CATSPERD: variants seen among roughly 807,000 people sequenced by gnomAD.
CATSPERD encodes catsper channel auxiliary subunit delta, also known as cation channel sperm-associated auxiliary subunit delta.
In CATSPERD, 86 loss-of-function variants were observed where a neutral mutation model predicts 98.1. The observed-to-expected ratio is 0.88, with a 90% CI of 0.74 to 1.05. The LOEUF (loss-of-function observed/expected upper bound fraction) is 1.05, where lower values mean the gene tolerates loss of function less well. CATSPERD is among the 50% of genes least tolerant of loss of function. The pLI is 0.00. For synonymous variants in CATSPERD, 394 were observed against 390.2 expected (o/e 1.01, Z -0.12); for missense variants, 995 against 1,005.7 (o/e 0.99, Z 0.14).
chr19:5,773,260 G>A (rs1374572890), intron 20 of CATSPERD, among the ~76,000 whole-genome samples: 1 of 152,138 alleles, frequency 6.6e-6, no homozygotes, highest in Admixed American at 6.6e-5. Flanking sequence ...AATCACTTGA[G>A]CCTGGGAGGC....
intron 20 of CATSPERD, 50 bp downstream of exon 20, chr19:5,773,015 G>A (rs780671146): frequency 1.3e-6 from 2 of 1,582,540 alleles, no homozygotes; most frequent in Non-Finnish European, 1.7e-6. Context: ...CCCACCAGGG[G>A]GTGGGAGAGT....
rs376502577 is a variant in CATSPERD, at chr19:5,754,188, C to T, written c.1221C>T (p.Ser407=). 1.3e-5 allele frequency: 21 copies of T among 1,613,786 alleles called. No individual in the cohort carries two copies. In the African/African-American group the frequency reaches 2.4e-4, roughly 18 times the overall value. ...IYRMYTIDMH[S]QLELTASLIP... ...GGATGTATACCATTGACATGCACAG[C>T]CAGCTGGAATTGACTGCTTCGTTGA... Residue 407 remains serine, a synonymous_variant, in exon 13 of 22, where the codon AGC becomes AGT. Coordinates refer to ENST00000381624, the MANE Select transcript of CATSPERD (RefSeq NM_152784.4).
intron 20 of CATSPERD, among the ~76,000 whole-genome samples, chr19:5,774,842 C>A (rs1285620320): frequency 2.0e-5 from 3 of 152,088 alleles, no homozygotes; most frequent in Non-Finnish European, 4.4e-5. Flanking sequence ...CATGGTGAAA[C>A]CCCGTCTCTA....
chr19:5,760,073 CAAAAAAA>C (rs60075484), intron 15 of CATSPERD, among the ~76,000 whole-genome samples: 6 of 48,534 alleles, frequency 1.2e-4, no homozygotes, highest in African/African-American at 4.7e-4. Context: ...GACTCCATCT[CAAAAAAA>C]AAAAAAAAAA....
intron 11 of CATSPERD, among the ~76,000 whole-genome samples, chr19:5,749,588 A>C (rs2056164704): frequency 6.6e-6 from 1 of 152,168 alleles, no homozygotes; most frequent in South Asian, 2.1e-4. Flanking sequence ...TAAAAGGGGA[A>C]GAGTATTTAA....
intron 9 of CATSPERD, 88 bp downstream of exon 9, chr19:5,746,151 G>C: frequency 7.1e-7 from 1 of 1,400,172 alleles, no homozygotes; most frequent in Non-Finnish European, 9.9e-7. Context: ...AGGGGAAGGA[G>C]CAACCCCTCG....
Position 5,749,843 on chromosome 19 carries a change from G to A in CATSPERD, c.987+660G>A, listed in dbSNP as rs573224266. Among the ~76,000 whole-genome samples the A allele has an allele frequency of 2.8e-5, 4 of 141,982 alleles. No homozygotes were observed. The East Asian group carries it at 6.4e-4, about 23-fold the overall frequency. 93.1% of individuals were successfully genotyped at this position (141,982 alleles called of 152,430 possible). A position where few individuals can be genotyped will look rare whatever the true frequency, so the allele number is the denominator to read the frequency against. Reference sequence around the variant, plus strand: ...TTTTGAGATGGAGTCTCACTCTGTCGCCTAGCTTGGAATGCCACAGCACAA... The same window carrying A: ...TTTTGAGATGGAGTCTCACTCTGTCACCTAGCTTGGAATGCCACAGCACAA... On this transcript the variant is annotated intron_variant, in intron 11 of 21. Coordinates refer to ENST00000381624, the MANE Select transcript of CATSPERD (RefSeq NM_152784.4).
chr19:5,738,231 C>G (rs1014220710), intron 6 of CATSPERD, among the ~76,000 whole-genome samples: 2 of 151,780 alleles, frequency 1.3e-5, no homozygotes, highest in Non-Finnish European at 2.9e-5. Context: ...CATAGTGAAA[C>G]CCCGTCTCTA....
At chr19:5,731,560 G>GTTGTTT (rs752356720) in intron 4 of CATSPERD, among the ~76,000 whole-genome samples, 2 of 75,724 alleles carry the variant, frequency 2.6e-5, no homozygotes, top group African/African-American at 5.0e-5. Flanking sequence ...ACACTTAACA[G>GTTGTTT]TTTTTTTTTT....
At chr19:5,760,831 T>G (rs1309695745) in intron 15 of CATSPERD, among the ~76,000 whole-genome samples, 2 of 151,888 alleles carry the variant, frequency 1.3e-5, no homozygotes, top group African/African-American at 2.4e-5. Flanking sequence ...GAGGATTGCT[T>G]GAGCTCAGGA....
intron 17 of CATSPERD, among the ~76,000 whole-genome samples, 156 bp downstream of exon 17, chr19:5,766,311 C>T (rs947032274): frequency 4.4e-5 from 6 of 135,200 alleles, no homozygotes; most frequent in Middle Eastern, 4.0e-3. Context: ...AAAAATTAGG[C>T]GTGGTGGCAG....
chr19:5,740,640 G>T (rs1055511697), intron 7 of CATSPERD, among the ~76,000 whole-genome samples: 1 of 150,916 alleles, frequency 6.6e-6, no homozygotes, highest in Non-Finnish European at 1.5e-5. Flanking sequence ...ATTGGCGGAC[G>T]CCTGTAATCC....
intron 19 of CATSPERD, 53 bp downstream of exon 19, chr19:5,771,125 T>G (rs1381793791): frequency 4.5e-6 from 7 of 1,572,120 alleles, no homozygotes; most frequent in African/African-American, 1.4e-5. Flanking sequence ...GGCCTCATGC[T>G]CCCTGGCCCT....
intron 6 of CATSPERD, among the ~76,000 whole-genome samples, 156 bp from the exon 7 acceptor site, chr19:5,739,170 C>A (rs901945646): frequency 6.6e-6 from 1 of 152,158 alleles, no homozygotes; most frequent in African/African-American, 2.4e-5. Flanking sequence ...TGGCGTGTAT[C>A]CACTTTTTGG....
In CATSPERD at chr19:5,759,208, A is replaced by G; in HGVS notation, c.1427+64A>G. 2.7e-6 allele frequency: 4 copies of G among 1,468,084 alleles called. No homozygotes were observed. In the South Asian group the frequency reaches 4.5e-5, roughly 17 times the overall value. 90.9% of individuals were successfully genotyped at this position (1,468,084 alleles called of 1,614,324 possible). ...TACAGGGGTTTCCTTAGCAGGAGCG[A>G]AGAGAAGCAGGTCTGAGATCAGACC... On this transcript the variant is annotated intron_variant, in intron 15 of 21. Coordinates refer to ENST00000381624, the MANE Select transcript of CATSPERD (RefSeq NM_152784.4).
In CATSPERD at chr19:5,776,383, G is replaced by A. The variant is rs193239223; in HGVS notation, c.2096+68G>A. ...CCCCTGGGGGCAGGTCACCCGTTTCGGGGGACATGCAGGTCCTGGCTAAAC... is the reference window on the plus strand; with the variant it reads ...CCCCTGGGGGCAGGTCACCCGTTTCAGGGGACATGCAGGTCCTGGCTAAAC... On this transcript the variant is annotated intron_variant, in intron 21 of 21. Transcript: ENST00000381624. The A allele has an allele frequency of 6.1e-4, 963 of 1,569,126 alleles. 12 individuals carry two copies. The highest frequency in any genetic ancestry group is 3.1e-3 in the East Asian group (137 of 44,302).
chr19:5,751,531 CAAAAAAAAAAAAAAAAAAAAAAAA>C (rs57266365), intron 11 of CATSPERD, 92 bp from the exon 12 acceptor site: 7 of 159,388 alleles, frequency 4.4e-5, no homozygotes, highest in Admixed American at 2.7e-4. Context: ...GAGACTCCAT[CAAAAAAAAAAAAAAAAAAAAAAAA>C]AAAAAAAAAA....
In CATSPERD at chr19:5,757,807, C is replaced by T. The variant is rs2056354616; in HGVS notation, c.1279-36C>T. On this transcript the variant is annotated intron_variant, in intron 13 of 21. Coordinates refer to ENST00000381624, the MANE Select transcript of CATSPERD (RefSeq NM_152784.4). ...TTTGTCACCCCGTCCTGCCTGCTGG[C>T]TCCGTACAGCCTGAGCTTCTCTCCC... The T allele has an allele frequency of 5.1e-6, 8 of 1,557,598 alleles. No homozygotes were observed. The South Asian group carries it at 7.9e-5, about 15-fold the overall frequency.
In CATSPERD at chr19:5,776,272, G is replaced by A. The variant is rs1397867665; in HGVS notation, c.2053G>A (p.Gly685Ser). 1 of 1,614,052 alleles carries A rather than the reference G, an allele frequency of 6.2e-7. No homozygotes were observed. The highest frequency in any genetic ancestry group is 8.5e-7 in the Non-Finnish European group (1 of 1,180,032). ...TANQIIFGHN[G>S]FYVFYISIVD... ...AAACCAGATCATTTTCGGCCACAATGGCTTTTATGTCTTCTACATTTCGAT... is the reference window on the plus strand; with the variant it reads ...AAACCAGATCATTTTCGGCCACAATAGCTTTTATGTCTTCTACATTTCGAT... The change falls in exon 21 of 22, where the codon GGC (glycine) becomes AGC (serine). Residue 685 changes from glycine (G) to serine (S), a missense_variant. Gly to Ser is a moderately conservative substitution (Grantham distance 56, BLOSUM62 0). Coordinates refer to ENST00000381624, the MANE Select transcript of CATSPERD (RefSeq NM_152784.4).
Sources: allele counts gnomAD v4.1 joint callset (sites outside exome capture counted in the v4.1 genomes callset), GRCh38; gene constraint gnomAD v4.1.1; transcripts MANE v1.5; gene names NCBI Gene and HGNC (gene_info 2026-07-23, HGNC 2026-07-21).